Variants in SPAG6 observed in about 807,000 individuals in gnomAD.
SPAG6 encodes sperm associated antigen 6, also known as sperm-associated antigen 6.
SPAG6 carries 49 observed loss-of-function variants against 58.5 expected under a neutral mutation model. The ratio of observed to expected loss-of-function variants is 0.84; its 90% confidence interval spans 0.67 to 1.06. SPAG6 has a LOEUF of 1.06. Ranked by LOEUF, SPAG6 falls within the 50% of genes least tolerant of loss-of-function variation. The pLI, the probability that SPAG6 is intolerant of heterozygous loss-of-function variation, is 0.00. For missense variants in SPAG6, 560 were observed against 611.3 expected, an observed-to-expected ratio of 0.92 and a Z score of 0.89; for synonymous variants, 233 against 225.6, an observed-to-expected ratio of 1.03 and a Z score of -0.29.
intron 10 of SPAG6, chr10:22,413,066 C>CAAAAAAAAAAAAAAAAA (rs775680159): frequency 1.2e-4 from 5 of 43,316 alleles, no homozygotes; most frequent in African/African-American, 3.5e-4. Flanking sequence ...CAGAAAGATG[C>CAAAAAAAAAAAAAAAAA]AAAAAAAAAA....
At chr10:22,362,205 A>ATATATATG (rs1014710359) in intron 2 of SPAG6, among the ~76,000 whole-genome samples, 11 of 147,058 alleles carry the variant, frequency 7.5e-5, no homozygotes, top group African/African-American at 1.5e-4. Context: ...TGTCCACTTG[A>ATATATATG]TATATATGTA....
intron 8 of SPAG6, among the ~76,000 whole-genome samples, chr10:22,394,228 A>C (rs1473257729): frequency 6.6e-6 from 1 of 152,206 alleles, no homozygotes; most frequent in African/African-American, 2.4e-5. Context: ...CAAATCTCTT[A>C]ATAAAAATGG....
rs1003890331 is a variant in SPAG6, at chr10:22,401,395, C to T, written c.1314+118C>T. ...ACGGGGTCATGGTTTTACTGCTTAACTCTCACCAATCTGTATGGACAGAGA... is the reference window on the plus strand; with the variant it reads ...ACGGGGTCATGGTTTTACTGCTTAATTCTCACCAATCTGTATGGACAGAGA... On this transcript the variant is annotated intron_variant, in intron 9 of 10. Coordinates refer to ENST00000376624, the MANE Select transcript of SPAG6 (RefSeq NM_012443.4). 6.0e-6 allele frequency: 4 copies of T among 662,178 alleles called. No homozygotes were observed. In the African/African-American group the frequency reaches 7.4e-5, roughly 12 times the overall value. 41.0% of individuals were successfully genotyped at this position (662,178 alleles called of 1,614,324 possible). A position where few individuals can be genotyped will look rare whatever the true frequency, so the allele number is the denominator to read the frequency against.
rs1212016204 is a variant in SPAG6, at chr10:22,391,878, T to C, written c.1155T>C (p.Ser385=). Residue 385 remains serine, a synonymous_variant, in exon 8 of 11, where the codon TCT becomes TCC. Coordinates refer to ENST00000376624, the MANE Select transcript of SPAG6 (RefSeq NM_012443.4). ...AVTNTLPVLL[S]LYMSTESSED... Reference sequence around the variant, plus strand: ...CAAATACTTTGCCAGTTCTGCTTTCTTTGTACATGTCAACAGAAAGTTCTG... The same window carrying C: ...CAAATACTTTGCCAGTTCTGCTTTCCTTGTACATGTCAACAGAAAGTTCTG... 1.2e-6 allele frequency: 2 copies of C among 1,613,476 alleles called. No individual in the cohort carries two copies. Among genetic ancestry groups the C allele is most frequent in the East Asian group, 2.2e-5 (1 of 44,888 alleles).
chr10:22,378,040 T>TTTTTC (rs1292804493), intron 4 of SPAG6, among the ~76,000 whole-genome samples: 3 of 150,714 alleles, frequency 2.0e-5, no homozygotes, highest in Admixed American at 6.6e-5. Flanking sequence ...TACAGATCTT[T>TTTTTC]TTTTCTTTTC....
At chr10:22,409,459 C>T (rs748940911) in intron 9 of SPAG6, among the ~76,000 whole-genome samples, 1 of 152,058 alleles carries the variant, frequency 6.6e-6, no homozygotes, top group Non-Finnish European at 1.5e-5. Context: ...CATTGGGGAA[C>T]AGACAAAAAA....
intron 2 of SPAG6, among the ~76,000 whole-genome samples, chr10:22,354,507 A>T (rs1040306605): frequency 2.0e-5 from 3 of 152,224 alleles, no homozygotes; most frequent in Non-Finnish European, 2.9e-5. Flanking sequence ...AGATAGCTGG[A>T]AAGAAAGATT....
At chr10:22,401,986 T>C (rs898899517) in intron 9 of SPAG6, among the ~76,000 whole-genome samples, 3 of 152,190 alleles carry the variant, frequency 2.0e-5, no homozygotes, top group Non-Finnish European at 4.4e-5. Flanking sequence ...GTACAAGTAG[T>C]AGCCCATGGT....
chr10:22,379,968 AT>A (rs1833911674), intron 4 of SPAG6, among the ~76,000 whole-genome samples: 1 of 151,024 alleles, frequency 6.6e-6, no homozygotes, highest in African/African-American at 2.4e-5. Flanking sequence ...CTAAGTTTTG[AT>A]TTTTTTTGGA....
chr10:22,417,521 C>G lies in SPAG6; in HGVS notation c.*833C>G, dbSNP rs1834895727. 6.6e-6 allele frequency: 1 copy of G among 152,160 alleles called. No individual in the cohort carries two copies. The highest frequency in any genetic ancestry group is 2.4e-5 in the African/African-American group (1 of 41,442). The allele number at this position is 152,160 out of a possible 1,614,324, so 9.4% of individuals were successfully genotyped here. On this transcript the variant is annotated 3_prime_UTR_variant, in exon 11 of 11. Transcript: ENST00000376624. ...TTTAAGGAATAGTTTGAAGCTAATACCATCAGGCTCAGAGTTTACATGCAT... is the reference window on the plus strand; with the variant it reads ...TTTAAGGAATAGTTTGAAGCTAATAGCATCAGGCTCAGAGTTTACATGCAT...
chr10:22,402,261 G>A (rs1020954887), intron 9 of SPAG6, among the ~76,000 whole-genome samples: 4 of 151,906 alleles, frequency 2.6e-5, no homozygotes, highest in Admixed American at 1.3e-4. Context: ...ACATGCAAGC[G>A]GGTCAGGCTA....
chr10:22,394,323 C>T (rs551818953), intron 8 of SPAG6, among the ~76,000 whole-genome samples: 1 of 152,162 alleles, frequency 6.6e-6, no homozygotes, highest in African/African-American at 2.4e-5. Context: ...GATTTAGAGG[C>T]ATCATATTGA....
At position 22,348,094 on chromosome 10, in the gene SPAG6, G is replaced by A. The variant is rs748980829; in HGVS notation, c.121+2276G>A. Among the ~76,000 whole-genome samples, 7 of 152,046 alleles carry A rather than the reference G, an allele frequency of 4.6e-5. No individual in the cohort carries two copies. In the South Asian group the frequency reaches 6.2e-4, roughly 13 times the overall value. On this transcript the variant is annotated intron_variant, in intron 2 of 10. Transcript: ENST00000376624. The stretch of plus-strand genomic sequence containing the variant: ...CAACCTCCGCCTCCCAGGTTCAAGC[G>A]ATTCTCCTGCCTCAGCCTCCTGAGT...
At chr10:22,356,032 A>G (rs1397085433) in intron 2 of SPAG6, among the ~76,000 whole-genome samples, 1 of 152,256 alleles carries the variant, frequency 6.6e-6, no homozygotes, top group Non-Finnish European at 1.5e-5. Context: ...ACACTGTAAC[A>G]GGAGAATATG....
At chr10:22,387,015 G>A (rs976762582) in intron 5 of SPAG6, 56 bp downstream of exon 5, 26 of 1,328,834 alleles carry the variant, frequency 2.0e-5, no homozygotes, top group Admixed American at 8.5e-5. Context: ...TAAGAAAATG[G>A]AAATGTGTAC....
chr10:22,356,201 TTTA>T (rs1836861487), intron 2 of SPAG6, among the ~76,000 whole-genome samples: 1 of 152,036 alleles, frequency 6.6e-6, no homozygotes, highest in African/African-American at 2.4e-5. Context: ...CCTAGAGAGG[TTTA>T]TTATTTTACT....
In SPAG6 at chr10:22,417,464, T is replaced by C. The variant is rs1430012650; in HGVS notation, c.*776T>C. On this transcript the variant is annotated 3_prime_UTR_variant, in exon 11 of 11. Transcript: ENST00000376624. ...AATGGATCCTTGTCCTAACGTCACT[T>C]TCCCAAGTTTCAAAAGTCACATTTT... The C allele has an allele frequency of 6.6e-6, 1 of 152,228 alleles. No individual in the cohort carries two copies. Among genetic ancestry groups the C allele is most frequent in the Non-Finnish European group, 1.5e-5 (1 of 68,052 alleles). 9.4% of individuals were successfully genotyped at this position (152,228 alleles called of 1,614,324 possible).
intron 4 of SPAG6, among the ~76,000 whole-genome samples, chr10:22,382,933 A>G (rs1330131691): frequency 6.6e-6 from 1 of 152,246 alleles, no homozygotes; most frequent in African/African-American, 2.4e-5. Flanking sequence ...TGCTGTTAGC[A>G]TGTTGATATA....
At chr10:22,413,688 G>GATATATATATATATATATATATAT (rs59765652) in intron 10 of SPAG6, among the ~76,000 whole-genome samples, 23 of 141,628 alleles carry the variant, frequency 1.6e-4, no homozygotes, top group African/African-American at 6.5e-4. Context: ...TCAAATTTCT[G>GATATATATATATATATATATATAT]ATATATATAT....
Sources: gnomAD v4.1 joint callset for allele counts (sites outside exome capture counted in the v4.1 genomes callset) on GRCh38, gnomAD v4.1.1 for gene constraint, MANE v1.5 for transcripts, NCBI Gene and HGNC (gene_info 2026-07-23, HGNC 2026-07-21) for gene names.